Variants in GSE1 observed in about 807,000 individuals in gnomAD.
GSE1 encodes the protein Gse1 coiled-coil protein.
In GSE1, 32 loss-of-function variants were observed where a neutral mutation model predicts 112.6. The ratio of observed to expected loss-of-function variants is 0.28; its 90% CI spans 0.21 to 0.38. The LOEUF (loss-of-function observed/expected upper bound fraction) is 0.38, where lower values mean the gene tolerates loss of function less well. Among genes scored for constraint, GSE1 ranks in the 10% least tolerant of loss-of-function variants. The pLI is 1.00. For missense variants in GSE1, 2,348 were observed against 1,699.2 expected, an observed-to-expected ratio of 1.38 and a Z score of -6.71; for synonymous variants, 1,115 against 735.6, an observed-to-expected ratio of 1.52 and a Z score of -8.35.
intron 1 of GSE1, among the ~76,000 whole-genome samples, chr16:85,254,935 C>T (rs1040138516): frequency 1.3e-5 from 2 of 152,230 alleles, no homozygotes; most frequent in African/African-American, 2.4e-5. Flanking sequence ...CACCACAGTG[C>T]GCTCATAAAC....
chr16:85,522,000 G>T (rs1208887157), intron 2 of GSE1, among the ~76,000 whole-genome samples: 4 of 152,222 alleles, frequency 2.6e-5, no homozygotes, highest in African/African-American at 9.6e-5. Context: ...AGGGGAACCA[G>T]CCTCCCATGG....
At chr16:85,642,355 G>A (rs965338188) in intron 2 of GSE1, among the ~76,000 whole-genome samples, 2 of 152,208 alleles carry the variant, frequency 1.3e-5, no homozygotes, top group African/African-American at 4.8e-5. Flanking sequence ...ACACTAACTT[G>A]GGGACAGAAC....
At chr16:85,479,340 T>C (rs1039420723) in intron 2 of GSE1, among the ~76,000 whole-genome samples, 4 of 151,706 alleles carry the variant, frequency 2.6e-5, no homozygotes, top group Non-Finnish European at 4.4e-5. Context: ...CCTTAGTTTT[T>C]GTATTTTTAG....
intron 2 of GSE1, among the ~76,000 whole-genome samples, chr16:85,647,705 G>A (rs1020853111): frequency 3.3e-5 from 5 of 152,174 alleles, no homozygotes; most frequent in African/African-American, 9.7e-5. Context: ...TCCTGCCTCC[G>A]CCTCCCGAGT....
At chr16:85,654,257 C>T (rs1367409918) in intron 3 of GSE1, 21 bp from the exon 4 acceptor site, 2 of 1,572,504 alleles carry the variant, frequency 1.3e-6, no homozygotes, top group Non-Finnish European at 8.6e-7. Context: ...CCTGCCCTGA[C>T]TGGACGCTCT....
chr16:85,538,587 C>G (rs1249289210), intron 2 of GSE1, among the ~76,000 whole-genome samples: 1 of 152,102 alleles, frequency 6.6e-6, no homozygotes, highest in African/African-American at 2.4e-5. Flanking sequence ...CTAAAGGTGC[C>G]CTGGGGGAGC....
intron 2 of GSE1, among the ~76,000 whole-genome samples, chr16:85,478,583 C>T (rs2050536192): frequency 6.7e-6 from 1 of 150,352 alleles, no homozygotes; most frequent in Non-Finnish European, 1.5e-5. Flanking sequence ...GTCCATTCTT[C>T]AGTTGGTGGC....
chr16:85,481,396 G>C lies in GSE1; in HGVS notation c.2464+123753G>C, dbSNP rs146967940. ...AACTCTGGGGACAGAGGAGCTTGAT[G>C]CTTAGGAAGGGTTTTGAGGGGTGTA... On this transcript the variant is annotated intron_variant, in intron 2 of 2. Transcript: ENST00000637419. 6.6e-3 allele frequency among the ~76,000 whole-genome samples: 1,010 copies of C among 152,340 alleles called. 5 individuals are homozygous for C. Among genetic ancestry groups the C allele is most frequent in the Non-Finnish European group, 0.011 (734 of 68,020 alleles).
intron 1 of GSE1, among the ~76,000 whole-genome samples, chr16:85,331,513 A>G (rs1245287080): frequency 2.6e-5 from 3 of 115,282 alleles, no homozygotes; most frequent in Non-Finnish European, 5.6e-5. Flanking sequence ...ATATATGTAT[A>G]TATGTGTATA....
intron 2 of GSE1, among the ~76,000 whole-genome samples, chr16:85,418,554 A>T (rs1322473918): frequency 6.6e-6 from 1 of 152,228 alleles, no homozygotes. Flanking sequence ...ACAGGCCAGC[A>T]GCCTTCCTGC....
intron 2 of GSE1, among the ~76,000 whole-genome samples, chr16:85,438,796 A>C (rs1391572302): frequency 6.6e-6 from 1 of 152,184 alleles, no homozygotes; most frequent in Non-Finnish European, 1.5e-5. Flanking sequence ...GGGTGCTGGG[A>C]CACTCAGCTG....
At chr16:85,667,221 G>C (rs942771703) in intron 13 of GSE1, among the ~76,000 whole-genome samples, 1 of 152,238 alleles carries the variant, frequency 6.6e-6, no homozygotes, top group African/African-American at 2.4e-5. Context: ...GTGGCCCTAG[G>C]ACACTTTCTG....
intron 2 of GSE1, among the ~76,000 whole-genome samples, chr16:85,639,193 C>A (rs537943886): frequency 6.6e-6 from 1 of 152,338 alleles, no homozygotes; most frequent in South Asian, 2.1e-4. Flanking sequence ...AAAGGGACGT[C>A]CCCGGGGCCG....
chr16:85,305,127 G>A (rs1470969248), intron 1 of GSE1, among the ~76,000 whole-genome samples: 1 of 152,210 alleles, frequency 6.6e-6, no homozygotes, highest in Non-Finnish European at 1.5e-5. Context: ...TAGGCAAGCA[G>A]CTCCCTGGGC....
chr16:85,647,849 T>G (rs1336300685), intron 2 of GSE1, among the ~76,000 whole-genome samples: 1 of 152,148 alleles, frequency 6.6e-6, no homozygotes, highest in Non-Finnish European at 1.5e-5. Context: ...CCTCCCAAAG[T>G]GCTGGGATTA....
rs536176082 is a variant in GSE1 at position 85,463,099 on chromosome 16, C to T, written c.2464+105456C>T. Reference sequence around the variant, plus strand: ...CGGCGCAGGATGCTGGGCATGAAGACCTGGTCGTCTCTGCTCCAGAACCTC... The same window carrying T: ...CGGCGCAGGATGCTGGGCATGAAGATCTGGTCGTCTCTGCTCCAGAACCTC... On this transcript the variant is annotated intron_variant, in intron 2 of 2. Transcript: ENST00000637419. 4.9e-4 allele frequency: 485 copies of T among 985,226 alleles called. 3 individuals carry two copies. In the South Asian group the frequency reaches 0.012, roughly 24 times the overall value. 61.0% of individuals were successfully genotyped at this position (985,226 alleles called of 1,614,324 possible).
intron 2 of GSE1, among the ~76,000 whole-genome samples, chr16:85,523,380 C>T (rs574406949): frequency 7.2e-5 from 11 of 152,328 alleles, no homozygotes; most frequent in South Asian, 2.1e-4. Flanking sequence ...CTCCCACTTT[C>T]GTTAAACCCC....
intron 2 of GSE1, among the ~76,000 whole-genome samples, chr16:85,466,520 G>A (rs1335431863): frequency 1.3e-5 from 2 of 152,222 alleles, no homozygotes; most frequent in Admixed American, 1.3e-4. Flanking sequence ...GCAGCCCTGG[G>A]AGGTGAGGAT....
At chr16:85,474,765 CTG>C (rs1483029731) in intron 2 of GSE1, among the ~76,000 whole-genome samples, 1 of 151,786 alleles carries the variant, frequency 6.6e-6, no homozygotes, top group East Asian at 1.9e-4. Context: ...TGCCTGGAAA[CTG>C]AGCCTCCAGG....
Sources: gnomAD v4.1 joint callset for allele counts (sites outside exome capture counted in the v4.1 genomes callset) on GRCh38, gnomAD v4.1.1 for gene constraint, MANE v1.5 for transcripts, NCBI Gene and HGNC (gene_info 2026-07-23, HGNC 2026-07-21) for gene names.